NLRP11: variants seen among roughly 807,000 people sequenced by gnomAD.
NLRP11 encodes the protein NACHT, LRR and PYD domains-containing protein 11.
In NLRP11, 53 loss-of-function variants were observed where a neutral mutation model predicts 79.3. The observed-to-expected ratio is 0.67, with a 90% confidence interval of 0.54 to 0.84. NLRP11 has a LOEUF of 0.84. NLRP11 is among the 40% of genes least tolerant of loss of function. The pLI, the probability that NLRP11 is intolerant of heterozygous loss-of-function variation, is 0.00. For synonymous variants in NLRP11, 518 were observed against 462.6 expected, an observed-to-expected ratio of 1.12 and a Z score of -1.54; for missense variants, 1,264 against 1,255.0, an observed-to-expected ratio of 1.01 and a Z score of -0.11.
upstream of NLRP11, among the ~76,000 whole-genome samples, chr19:55,832,466 C>T (rs116863846): frequency 3.9e-5 from 6 of 152,304 alleles, no homozygotes; most frequent in East Asian, 1.2e-3. Context: ...ATAGAATTTG[C>T]GGAGGCACGT....
chr19:55,792,466 A>G (rs113356908), exon 7 of NLRP11: 1 of 1,613,860 alleles, frequency 6.2e-7, no homozygotes, highest in East Asian at 2.2e-5. Context: ...ACAGCAGAAG[A>G]CTAACCTGCA....
intron 1 of NLRP11, among the ~76,000 whole-genome samples, chr19:55,831,236 G>T (rs921018383): frequency 1.4e-4 from 21 of 150,836 alleles, no homozygotes; most frequent in Non-Finnish European, 3.0e-4. Context: ...TCCTTTCGGA[G>T]CCTAGGCACA....
chr19:55,821,996 C>G (rs903177040), intron 1 of NLRP11, among the ~76,000 whole-genome samples: 1 of 152,196 alleles, frequency 6.6e-6, no homozygotes, highest in Non-Finnish European at 1.5e-5. Context: ...CAGTGGCTCA[C>G]GCCTGTAATC....
chr19:55,804,545 G>T (rs754215207), intron 4 of NLRP11, among the ~76,000 whole-genome samples: 8 of 152,014 alleles, frequency 5.3e-5, no homozygotes, highest in Non-Finnish European at 1.2e-4. Context: ...TTGTAAGAGG[G>T]AGCTAAATGA....
At position 55,809,707 on chromosome 19, in the gene NLRP11, C is replaced by G; in HGVS notation, c.903G>C (p.Ser301=). ...TAAAATATATCTCCCTCTTCCCATT[C>G]GACAGCTGCAAGGTCGTGCAGCAAT... Residue 301 remains serine (S), a synonymous_variant, in exon 3 of 10, where the codon TCG becomes TCC. Transcript: ENST00000589093. The surrounding 1 kb of genome is among the most constrained non-coding windows in gnomAD (Gnocchi z 4.5). 6.2e-7 allele frequency: 1 copy of G among 1,614,150 alleles called. No homozygotes were observed. Among genetic ancestry groups the G allele is most frequent in the Non-Finnish European group, 8.5e-7 (1 of 1,180,014 alleles).
rs553141085 is a variant in NLRP11 at position 55,786,892 on chromosome 19, T to C, written c.2856-1021A>G. 8.9e-4 allele frequency among the ~76,000 whole-genome samples: 136 copies of C among 152,312 alleles called. 1 individual carries two copies. The highest frequency in any genetic ancestry group is 1.4e-3 in the Non-Finnish European group (92 of 68,026). On this transcript the variant is annotated intron_variant, in intron 9 of 9. Coordinates refer to ENST00000589093, the Ensembl canonical transcript of NLRP11. ...TGGAAAATTTGTAATGTTTATGGGT[T>C]TTTCTATGCATCTGAAAGTTTGACT...
At chr19:55,806,371 T>A (rs78250393) in intron 4 of NLRP11, among the ~76,000 whole-genome samples, 14,078 of 152,254 alleles carry the variant, frequency 0.092, 811 homozygotes, top group African/African-American at 0.14. Context: ...AGATTCTGGC[T>A]CTCGCCGTCA....
intron 9 of NLRP11, among the ~76,000 whole-genome samples, chr19:55,786,080 C>G (rs1301738018): frequency 6.6e-6 from 1 of 152,238 alleles, no homozygotes; most frequent in African/African-American, 2.4e-5. Flanking sequence ...AAGATTTCCA[C>G]TGGGAGAACT....
At chr19:55,806,273 C>T (rs376726534) in intron 4 of NLRP11, among the ~76,000 whole-genome samples, 1 of 152,174 alleles carries the variant, frequency 6.6e-6, no homozygotes, top group Non-Finnish European at 1.5e-5. Context: ...CACATTTTAC[C>T]TTCAGTTCAG....
At chr19:55,788,912 T>C (rs1568625776) in exon 9 of NLRP11, 5 of 1,614,050 alleles carry the variant, frequency 3.1e-6, no homozygotes, top group Non-Finnish European at 3.4e-6. Context: ...TTCTAGTGTT[T>C]TGTTGGTGGT....
intron 8 of NLRP11, 62 bp downstream of exon 8, chr19:55,789,167 C>T: frequency 6.6e-7 from 1 of 1,521,098 alleles, no homozygotes; most frequent in African/African-American, 1.4e-5. Flanking sequence ...TCCACTTCCT[C>T]TTGTGCTTTT....
chr19:55,785,493 T>TCTCA (rs1491227230), exon 10 of NLRP11: 253 of 424,646 alleles, frequency 6.0e-4, no homozygotes, highest in African/African-American at 5.0e-3. Flanking sequence ...TGGATCAAGG[T>TCTCA]CACACACACA....
intron 2 of NLRP11, among the ~76,000 whole-genome samples, chr19:55,813,320 A>C (rs982288540): frequency 1.3e-5 from 2 of 152,126 alleles, no homozygotes; most frequent in Non-Finnish European, 2.9e-5. Context: ...AAAATTTTTT[A>C]AAGCAGAGGA....
intron 1 of NLRP11, among the ~76,000 whole-genome samples, chr19:55,823,178 T>C (rs962602363): frequency 6.9e-6 from 1 of 145,436 alleles, no homozygotes; most frequent in South Asian, 2.2e-4. Context: ...GGCAGGGTAT[T>C]CCAACAGACC....
At chr19:55,795,292 C>T (rs1251341176) in intron 6 of NLRP11, among the ~76,000 whole-genome samples, 1 of 152,054 alleles carries the variant, frequency 6.6e-6, no homozygotes, top group African/African-American at 2.4e-5. Flanking sequence ...AAAGGAGACT[C>T]AGGGGAAAAA....
At chr19:55,835,451 A>G (rs542719300), upstream of NLRP11, among the ~76,000 whole-genome samples, 246 of 145,178 alleles carry the variant, frequency 1.7e-3, no homozygotes, top group East Asian at 8.9e-3. Flanking sequence ...CTGTAATCCC[A>G]GCACTTTGGG....
rs756355864 is a variant in NLRP11, at chr19:55,808,868, G to A, written c.1742C>T (p.Ser581Leu). 18 of 1,613,796 alleles carry A rather than the reference G, an allele frequency of 1.1e-5. No individual in the cohort carries two copies. In the East Asian group the frequency reaches 2.9e-4, roughly 26 times the overall value. ...ACAGCAGTAATCCAGACAGTATAATGAGACCATCATATCCTTGTCTGATTG... is the reference window on the plus strand; with the variant it reads ...ACAGCAGTAATCCAGACAGTATAATAAGACCATCATATCCTTGTCTGATTG... Residue 581 changes from serine (S) to leucine (L), a missense_variant, in exon 3 of 10, where the codon TCA (serine) becomes TTA (leucine). Ser to Leu is a moderately radical substitution (Grantham distance 145). Coordinates refer to ENST00000589093, the Ensembl canonical transcript of NLRP11.
At chr19:55,804,723 CTACA>C (rs1362405137) in intron 4 of NLRP11, among the ~76,000 whole-genome samples, 1 of 152,002 alleles carries the variant, frequency 6.6e-6, no homozygotes, top group East Asian at 1.9e-4. Context: ...ACAAGTTTAC[CTACA>C]TAAACAAACT....
upstream of NLRP11, among the ~76,000 whole-genome samples, chr19:55,833,894 C>A (rs1983019244): frequency 6.7e-6 from 1 of 149,952 alleles, no homozygotes; most frequent in Non-Finnish European, 1.5e-5. Context: ...GATTTCTGGG[C>A]AGTGGCGTAG....
Sources: allele counts gnomAD v4.1 joint callset (sites outside exome capture counted in the v4.1 genomes callset), GRCh38; gene constraint gnomAD v4.1.1; non-coding constraint Gnocchi (gnomAD v3.1); transcripts MANE v1.5; gene names NCBI Gene and HGNC (gene_info 2026-07-23, HGNC 2026-07-21).